Variants in MAFK observed in about 807,000 individuals in gnomAD.
MAFK encodes the protein MAF bZIP transcription factor K.
MAFK carries 1 observed loss-of-function variant against 9.2 expected under a neutral mutation model. That is an observed-to-expected ratio of 0.11 (90% CI 0.04 to 0.52). MAFK has a LOEUF of 0.52. MAFK is among the 20% of genes least tolerant of loss of function. The pLI is 0.94. For missense variants in MAFK, 207 were observed against 236.0 expected (o/e 0.88, Z 0.81); for synonymous variants, 110 against 107.4 (o/e 1.02, Z -0.15).
rs1164899525 is a variant in MAFK, at chr7:1,534,645, C to T, written c.-45+3747C>T. Reference sequence around the variant, plus strand: ...AATAGAAGTGGAAGGGCCACTCCGTCTTGGTCAGACTGGCTGGGCAGCTGA... The same window carrying T: ...AATAGAAGTGGAAGGGCCACTCCGTTTTGGTCAGACTGGCTGGGCAGCTGA... On this transcript the variant is annotated intron_variant, in intron 1 of 2. Coordinates refer to ENST00000343242, the MANE Select transcript of MAFK (RefSeq NM_002360.4). This position sits in a 1 kb window ranked among gnomAD's most constrained non-coding sequence, Gnocchi z 4.3. 2.2e-6 allele frequency: 1 copy of T among 455,932 alleles called. No homozygotes were observed. Among genetic ancestry groups the T allele is most frequent in the African/African-American group, 2.0e-5 (1 of 50,040 alleles). 28.2% of individuals were successfully genotyped at this position (455,932 alleles called of 1,614,324 possible).
At chr7:1,537,287 GC>G in intron 1 of MAFK, 1 of 751,878 alleles carries the variant, frequency 1.3e-6, no homozygotes, top group Non-Finnish European at 1.6e-6. Flanking sequence ...GGGCCCGGGG[GC>G]CCAGGAGCGG....
At position 1,541,618 on chromosome 7, in the gene MAFK, G is replaced by T; in HGVS notation, c.*1243G>T. 6.6e-6 allele frequency: 1 copy of T among 152,546 alleles called. No homozygotes were observed. The highest frequency in any genetic ancestry group is 1.5e-5 in the Non-Finnish European group (1 of 68,106). 9.4% of individuals were successfully genotyped at this position (152,546 alleles called of 1,614,324 possible). On this transcript the variant is annotated 3_prime_UTR_variant, in exon 3 of 3. Coordinates refer to ENST00000343242, the MANE Select transcript of MAFK (RefSeq NM_002360.4). The stretch of plus-strand genomic sequence containing the variant: ...AGGCAGCAGGCACCAGTCCAGGAGA[G>T]CTTCGTGGACGTGGCTCCTGCGCGC...
In MAFK at chr7:1,534,144, G is replaced by A. The variant is rs1253834532; in HGVS notation, c.-45+3246G>A. ...CAGGCTGCTGGCTGGTATGGGCCGGGCTGCGGGGTGCCAAGTGGGGTGCCT... is the reference window on the plus strand; with the variant it reads ...CAGGCTGCTGGCTGGTATGGGCCGGACTGCGGGGTGCCAAGTGGGGTGCCT... On this transcript the variant is annotated intron_variant, in intron 1 of 2. Transcript: ENST00000343242. This position sits in a 1 kb window ranked among gnomAD's most constrained non-coding sequence, Gnocchi z 4.3. 9.2e-6 allele frequency: 4 copies of A among 437,120 alleles called. No homozygotes were observed. The Admixed American group carries it at 9.5e-5, about 10-fold the overall frequency. 27.1% of individuals were successfully genotyped at this position (437,120 alleles called of 1,614,324 possible).
chr7:1,536,844 G>A (rs568267512), intron 1 of MAFK, among the ~76,000 whole-genome samples: 2 of 152,336 alleles, frequency 1.3e-5, no homozygotes, highest in African/African-American at 4.8e-5. Context: ...CTCTCCAGGC[G>A]CGTGGCTGGT....
rs779197131 is a variant in MAFK, at chr7:1,534,554, C to T, written c.-45+3656C>T. On this transcript the variant is annotated intron_variant, in intron 1 of 2. Transcript: ENST00000343242. The surrounding 1 kb of genome is among the most constrained non-coding windows in gnomAD (Gnocchi z 4.3). The stretch of plus-strand genomic sequence containing the variant: ...TCTCTCGCACAGAGCTCCCGTCCTC[C>T]GTTCCTGGTCTTCCTCCTGCCCCTC... 6.8e-5 allele frequency: 31 copies of T among 456,184 alleles called. 1 individual carries two copies. Among genetic ancestry groups the T allele is most frequent in the African/African-American group, 3.4e-4 (17 of 50,160 alleles). The allele number at this position is 456,184 out of a possible 1,614,324, so 28.3% of individuals were successfully genotyped here. A position where few individuals can be genotyped will look rare whatever the true frequency, so the allele number is the denominator to read the frequency against.
chr7:1,531,094 C>T (rs1309984876), intron 1 of MAFK, among the ~76,000 whole-genome samples, 196 bp downstream of exon 1: 1 of 148,260 alleles, frequency 6.7e-6, no homozygotes, highest in African/African-American at 2.4e-5. Context: ...GGCCCCGCCC[C>T]GCAGGCCCGG....
At position 1,532,767 on chromosome 7, in the gene MAFK, C is replaced by T. The variant is rs993150341; in HGVS notation, c.-45+1869C>T. Among the ~76,000 whole-genome samples the T allele has an allele frequency of 3.3e-5, 5 of 152,180 alleles. No individual in the cohort carries two copies. Among genetic ancestry groups the T allele is most frequent in the African/African-American group, 9.7e-5 (4 of 41,448 alleles). On this transcript the variant is annotated intron_variant, in intron 1 of 2. Transcript: ENST00000343242. This position sits in a 1 kb window ranked among gnomAD's most constrained non-coding sequence, Gnocchi z 4.5. ...CTGGCAAAGCTGTTTGCCACCCAGA[C>T]GGAGAAGAAGTTGTGCCTGTTCTTG...
chr7:1,535,085 C>CTTTTTTTTTTTTT (rs59057812), intron 1 of MAFK, among the ~76,000 whole-genome samples: 212 of 111,932 alleles, frequency 1.9e-3, no homozygotes, highest in Middle Eastern at 6.8e-3. Flanking sequence ...ATTTAAAATT[C>CTTTTTTTTTTTTT]TTTTTTTTTT....
intron 1 of MAFK, among the ~76,000 whole-genome samples, chr7:1,533,849 C>G (rs1033488669): frequency 2.0e-5 from 3 of 151,994 alleles, no homozygotes; most frequent in African/African-American, 7.2e-5. Flanking sequence ...AGGCTGGGAG[C>G]GGATTGAAGC....
intron 1 of MAFK, among the ~76,000 whole-genome samples, chr7:1,535,777 C>CGGGGG (rs1276339234): frequency 4.6e-5 from 7 of 152,222 alleles, no homozygotes; most frequent in Admixed American, 4.6e-4. Flanking sequence ...GGGGGGAGCC[C>CGGGGG]AGGGCTCTGA....
rs1366459604 is a variant in MAFK at position 1,534,044 on chromosome 7, G to A, written c.-45+3146G>A. 1 of 357,560 alleles carries A rather than the reference G, an allele frequency of 2.8e-6. No individual in the cohort carries two copies. Among genetic ancestry groups the A allele is most frequent in the South Asian group, 2.0e-5 (1 of 50,292 alleles). The allele number at this position is 357,560 out of a possible 1,614,324, so 22.1% of individuals were successfully genotyped here. A position where few individuals can be genotyped will look rare whatever the true frequency, so the allele number is the denominator to read the frequency against. On this transcript the variant is annotated intron_variant, in intron 1 of 2. Coordinates refer to ENST00000343242, the MANE Select transcript of MAFK (RefSeq NM_002360.4). This position sits in a 1 kb window ranked among gnomAD's most constrained non-coding sequence, Gnocchi z 4.3. ...CGGAATGACACAGCTTCCTCAGACT[G>A]CAAATGCAAGGTGACCAGACGTCCT...
rs1275129597 is a variant in MAFK, at chr7:1,532,727, G to A, written c.-45+1829G>A. 2.0e-5 allele frequency among the ~76,000 whole-genome samples: 3 copies of A among 152,212 alleles called. No individual in the cohort carries two copies. Among genetic ancestry groups the A allele is most frequent in the East Asian group, 1.9e-4 (1 of 5,190 alleles). On this transcript the variant is annotated intron_variant, in intron 1 of 2. Coordinates refer to ENST00000343242, the MANE Select transcript of MAFK (RefSeq NM_002360.4). This position sits in a 1 kb window ranked among gnomAD's most constrained non-coding sequence, Gnocchi z 4.5. ...ACCCACGGGGCTCAGCGATGGCTGC[G>A]TTTGTTTACAGTCTCTGGCAAAGCT...
intron 1 of MAFK, chr7:1,533,946 A>G (rs1420846615): frequency 7.0e-6 from 2 of 284,138 alleles, no homozygotes; most frequent in Admixed American, 8.7e-5. Context: ...CAGGGCGGGG[A>G]CTGGAGGGGG....
Position 1,540,225 on chromosome 7 carries a change from G to A in MAFK, c.321G>A (p.Leu107=). ...GCATGCGGCTGGAGCTGGACGCCCTGCGCTCCAAGTACGAGGCGCTGCAGA... is the reference window on the plus strand; with the variant it reads ...GCATGCGGCTGGAGCTGGACGCCCTACGCTCCAAGTACGAGGCGCTGCAGA... ...NSSMRLELDA[L]RSKYEALQTF... is the part of the protein sequence containing the mutation. Residue 107 remains leucine, a synonymous_variant, in exon 3 of 3, where the codon CTG becomes CTA. Transcript: ENST00000343242. 1 of 1,602,466 alleles carries A rather than the reference G, an allele frequency of 6.2e-7. No individual in the cohort carries two copies. The highest frequency in any genetic ancestry group is 8.5e-7 in the Non-Finnish European group (1 of 1,175,596).
intron 1 of MAFK, among the ~76,000 whole-genome samples, chr7:1,531,933 T>C (rs778215624): frequency 8.5e-5 from 13 of 152,224 alleles, no homozygotes; most frequent in Non-Finnish European, 1.8e-4. Flanking sequence ...AAGTAGCTCT[T>C]GTAGCTGAGG....
At position 1,536,443 on chromosome 7, in the gene MAFK, C is replaced by T. The variant is rs975293360; in HGVS notation, c.-44-2706C>T. On this transcript the variant is annotated intron_variant, in intron 1 of 2. Coordinates refer to ENST00000343242, the MANE Select transcript of MAFK (RefSeq NM_002360.4). ...CCTTGGGCCCGGGGTAGTGCACGGG[C>T]GTCTCTGCGACCCCAGGCACGCTTT... Among the ~76,000 whole-genome samples, 5 of 152,170 alleles carry T rather than the reference C, an allele frequency of 3.3e-5. No individual in the cohort carries two copies. The South Asian group carries it at 8.3e-4, about 25-fold the overall frequency.
chr7:1,541,183 C>G lies in MAFK; in HGVS notation c.*808C>G, dbSNP rs1253898552. 1 of 152,770 alleles carries G rather than the reference C, an allele frequency of 6.5e-6. No homozygotes were observed. Among genetic ancestry groups the G allele is most frequent in the Non-Finnish European group, 1.5e-5 (1 of 68,172 alleles). The allele number at this position is 152,770 out of a possible 1,614,324, so 9.5% of individuals were successfully genotyped here. Reference sequence around the variant, plus strand: ...AGGTCGTGCAGCACAGCGCAGAAGCCCCTGCCCACGGGATCCGGCCCCCCA... The same window carrying G: ...AGGTCGTGCAGCACAGCGCAGAAGCGCCTGCCCACGGGATCCGGCCCCCCA... On this transcript the variant is annotated 3_prime_UTR_variant, in exon 3 of 3. Coordinates refer to ENST00000343242, the MANE Select transcript of MAFK (RefSeq NM_002360.4).
rs944853456 is a variant in MAFK, at chr7:1,540,612, G to A, written c.*237G>A. The A allele has an allele frequency of 3.7e-5, 20 of 535,652 alleles. No individual in the cohort carries two copies. Among genetic ancestry groups the A allele is most frequent in the East Asian group, 3.3e-5 (1 of 30,756 alleles). The allele number at this position is 535,652 out of a possible 1,614,324, so 33.2% of individuals were successfully genotyped here. On this transcript the variant is annotated 3_prime_UTR_variant, in exon 3 of 3. Coordinates refer to ENST00000343242, the MANE Select transcript of MAFK (RefSeq NM_002360.4). ...CACTCACGCCCGCCACCTGCTCCCC[G>A]CAGGATGTGTCTGTGTGTGGGAATT...
At chr7:1,536,303 C>CTGGTGTTTTGT in intron 1 of MAFK, among the ~76,000 whole-genome samples, 1 of 152,174 alleles carries the variant, frequency 6.6e-6, no homozygotes, top group African/African-American at 2.4e-5. Context: ...CGTGGCGATG[C>CTGGTGTTTTGT]TGGTGTTTTG....
Sources: gnomAD v4.1 joint callset for allele counts (sites outside exome capture counted in the v4.1 genomes callset) on GRCh38, gnomAD v4.1.1 for gene constraint, Gnocchi (gnomAD v3.1) non-coding constraint, MANE v1.5 for transcripts, NCBI Gene and HGNC (gene_info 2026-07-23, HGNC 2026-07-21) for gene names.